Variants in COG5 observed in about 807,000 individuals in gnomAD.
COG5 encodes the protein conserved oligomeric Golgi complex subunit 5.
Under a neutral mutation model 110.4 loss-of-function variants are expected in COG5, and 86 were observed. The ratio of observed to expected loss-of-function variants is 0.78; its 90% CI spans 0.65 to 0.93. The LOEUF (loss-of-function observed/expected upper bound fraction) is 0.93. Ranked by LOEUF, COG5 falls within the 40% of genes least tolerant of loss-of-function variation. COG5 has a pLI of 0.00. For synonymous variants in COG5, 360 were observed against 334.6 expected (o/e 1.08, Z -0.83); for missense variants, 1,077 against 987.0 (o/e 1.09, Z -1.22).
At chr7:107,437,155 A>G (rs1335318114) in intron 6 of COG5, among the ~76,000 whole-genome samples, 8 of 152,166 alleles carry the variant, frequency 5.3e-5, no homozygotes, top group Non-Finnish European at 1.2e-4. Flanking sequence ...TTCAAATGAG[A>G]TATTTACCAA....
intron 6 of COG5, among the ~76,000 whole-genome samples, chr7:107,514,050 A>G (rs1799738713): frequency 6.7e-6 from 1 of 148,214 alleles, no homozygotes; most frequent in Non-Finnish European, 1.5e-5. Context: ...AAGTATAATA[A>G]TAATAAAATA....
At chr7:107,492,536 C>T (rs1287059401) in intron 6 of COG5, among the ~76,000 whole-genome samples, 1 of 152,030 alleles carries the variant, frequency 6.6e-6, no homozygotes, top group Non-Finnish European at 1.5e-5. Context: ...GAATGGAAGT[C>T]CTTATGGTTG....
chr7:107,563,797 C>T lies in COG5; in HGVS notation c.94+6G>A. On this transcript the variant is annotated splice_donor_region_variant and intron_variant, in intron 1 of 21. Coordinates refer to ENST00000297135, the MANE Select transcript of COG5 (RefSeq NM_006348.5). ...CCCACGACCTGGTCAGACCCCGTCTCCTTACCGTCCTGCAGAAGTTCCCGG... is the reference window on the plus strand; with the variant it reads ...CCCACGACCTGGTCAGACCCCGTCTTCTTACCGTCCTGCAGAAGTTCCCGG... 1 of 1,613,858 alleles carries T rather than the reference C, an allele frequency of 6.2e-7. No individual in the cohort carries two copies. Among genetic ancestry groups the T allele is most frequent in the South Asian group, 1.1e-5 (1 of 91,056 alleles).
intron 7 of COG5, among the ~76,000 whole-genome samples, chr7:107,373,614 A>G (rs1307064481): frequency 6.6e-6 from 1 of 151,960 alleles, no homozygotes; most frequent in African/African-American, 2.4e-5. Flanking sequence ...AGCAGAGTGA[A>G]GCAGAGAGGC....
intron 17 of COG5, among the ~76,000 whole-genome samples, chr7:107,244,232 A>G (rs1801874444): frequency 6.6e-6 from 1 of 152,222 alleles, no homozygotes; most frequent in Admixed American, 6.5e-5. Context: ...AGCCTGGGCA[A>G]CACAGCAAGA....
intron 8 of COG5, among the ~76,000 whole-genome samples, chr7:107,370,079 T>C (rs1455316462): frequency 6.6e-6 from 1 of 152,102 alleles, no homozygotes; most frequent in Admixed American, 6.5e-5. Flanking sequence ...TACTTAAAAT[T>C]GTATTATTTA....
intron 6 of COG5, among the ~76,000 whole-genome samples, chr7:107,443,564 T>C (rs1794843744): frequency 6.6e-6 from 1 of 151,262 alleles, no homozygotes; most frequent in African/African-American, 2.4e-5. Flanking sequence ...CAGGCCAAAA[T>C]AATATCTCTA....
At chr7:107,256,919 G>T in intron 15 of COG5, 125 bp from the exon 16 acceptor site, 2 of 690,704 alleles carry the variant, frequency 2.9e-6, no homozygotes. Context: ...TTGCTTTACA[G>T]TAATATCTTA....
chr7:107,542,948 G>A (rs1238419418), intron 5 of COG5, among the ~76,000 whole-genome samples: 2 of 146,882 alleles, frequency 1.4e-5, no homozygotes, highest in African/African-American at 5.1e-5. Context: ...TTCCAGCCTA[G>A]GCAACAGAGC....
intron 6 of COG5, among the ~76,000 whole-genome samples, chr7:107,456,509 T>C (rs1044409353): frequency 2.6e-5 from 4 of 152,136 alleles, no homozygotes; most frequent in Non-Finnish European, 4.4e-5. Context: ...CTTTCCCCTA[T>C]AATGTAAGGG....
Position 107,554,307 on chromosome 7 carries a change from T to G in COG5, c.270A>C (p.Ala90=), listed in dbSNP as rs1194539344. ...VARHEDLLAQ[A]TGIESLEGVL... is the part of the protein sequence containing the mutation. ...TACCTTCCAACGACTCAATCCCAGTTGCTTGTGCCAGTAAATCTTCATGTC... is the reference window on the plus strand; with the variant it reads ...TACCTTCCAACGACTCAATCCCAGTGGCTTGTGCCAGTAAATCTTCATGTC... The change falls in exon 3 of 22, where the codon GCA becomes GCC. Residue 90 remains alanine (A), a synonymous_variant. Transcript: ENST00000297135. 4 of 1,614,060 alleles carry G rather than the reference T, an allele frequency of 2.5e-6. No homozygotes were observed. Among genetic ancestry groups the G allele is most frequent in the East Asian group, 4.5e-5 (2 of 44,866 alleles).
At chr7:107,559,373 A>G (rs1029920850) in intron 1 of COG5, among the ~76,000 whole-genome samples, 12 of 152,226 alleles carry the variant, frequency 7.9e-5, no homozygotes, top group South Asian at 2.1e-4. Context: ...GATACAGTAG[A>G]TACAAGTAAA....
At chr7:107,395,936 G>A (rs1300685704) in intron 7 of COG5, among the ~76,000 whole-genome samples, 4 of 152,042 alleles carry the variant, frequency 2.6e-5, no homozygotes, top group Non-Finnish European at 2.9e-5. Context: ...GTAAACTTAA[G>A]ACAATAAAAA....
intron 5 of COG5, among the ~76,000 whole-genome samples, chr7:107,540,175 G>A (rs1340495890): frequency 1.3e-5 from 2 of 152,160 alleles, no homozygotes; most frequent in African/African-American, 4.8e-5. Flanking sequence ...AGGAAGCACA[G>A]GAAAAGAAAC....
rs545985735 is a variant in COG5, at chr7:107,210,011, G to A, written c.2375+515C>T. Reference sequence around the variant, plus strand: ...TTGGGGTACATGGGGGTGTGTGCACGTGTGGGCAAGAGCACATGCGTATGT... The same window carrying A: ...TTGGGGTACATGGGGGTGTGTGCACATGTGGGCAAGAGCACATGCGTATGT... On this transcript the variant is annotated intron_variant, in intron 21 of 21. Transcript: ENST00000297135. 23 of 1,001,458 alleles carry A rather than the reference G, an allele frequency of 2.3e-5. No individual in the cohort carries two copies. The East Asian group carries it at 9.6e-4, about 42-fold the overall frequency. The allele number at this position is 1,001,458 out of a possible 1,614,324, so 62.0% of individuals were successfully genotyped here. A position where few individuals can be genotyped will look rare whatever the true frequency, so the allele number is the denominator to read the frequency against.
intron 6 of COG5, among the ~76,000 whole-genome samples, chr7:107,498,994 A>T (rs1798459365): frequency 6.6e-6 from 1 of 152,206 alleles, no homozygotes; most frequent in African/African-American, 2.4e-5. Flanking sequence ...TGAAATATGC[A>T]ACAATGTGGA....
chr7:107,525,574 T>C (rs1175430433), intron 6 of COG5, among the ~76,000 whole-genome samples: 1 of 149,664 alleles, frequency 6.7e-6, no homozygotes, highest in Non-Finnish European at 1.5e-5. Context: ...TTTTAAAGAG[T>C]CAAGATCTTG....
chr7:107,240,609 G>A (rs1801539678), intron 17 of COG5, among the ~76,000 whole-genome samples: 2 of 152,200 alleles, frequency 1.3e-5, no homozygotes, highest in South Asian at 4.1e-4. Context: ...TTAGGAATAG[G>A]TGTGGAGGGC....
chr7:107,474,208 T>C lies in COG5; in HGVS notation c.538+53029A>G. ...AGTGTCTCTCACCGGATTTCTTATG[T>C]TAGAAATTGTGTTGGGACTTGGCAG... On this transcript the variant is annotated intron_variant, in intron 6 of 21. Transcript: ENST00000297135. This position sits in a 1 kb window ranked among gnomAD's most constrained non-coding sequence, Gnocchi z 5.7. The C allele has an allele frequency of 6.2e-7, 1 of 1,613,214 alleles. No homozygotes were observed. The highest frequency in any genetic ancestry group is 2.2e-5 in the East Asian group (1 of 44,854).
Sources: allele counts gnomAD v4.1 joint callset (sites outside exome capture counted in the v4.1 genomes callset), GRCh38; gene constraint gnomAD v4.1.1; non-coding constraint Gnocchi (gnomAD v3.1); transcripts MANE v1.5; gene names NCBI Gene and HGNC (gene_info 2026-07-23, HGNC 2026-07-21).